Variants in RABGGTB observed in about 807,000 individuals in gnomAD.
RABGGTB encodes Rab geranylgeranyltransferase subunit beta.
RABGGTB carries 20 observed loss-of-function variants against 44.5 expected under a neutral mutation model. The observed-to-expected ratio is 0.45, with a 90% CI of 0.32 to 0.65. The LOEUF (loss-of-function observed/expected upper bound fraction) is 0.65. Among genes scored for constraint, RABGGTB ranks in the 30% least tolerant of loss-of-function variants. The pLI is 0.05. For missense variants in RABGGTB, 302 were observed against 398.7 expected (o/e 0.76, Z 2.06); for synonymous variants, 128 against 136.7 (o/e 0.94, Z 0.44).
At chr1:75,787,192 T>A (rs368886953) in intron 1 of RABGGTB, 30 of 605,384 alleles carry the variant, frequency 5.0e-5, no homozygotes, top group African/African-American at 4.9e-4. Flanking sequence ...CTGAATGATT[T>A]AAGTTCTTTT....
At position 75,787,720 on chromosome 1, in the gene RABGGTB, A is replaced by T. The variant is rs535778257; in HGVS notation, c.111+116A>T. 5 of 816,506 alleles carry T rather than the reference A, an allele frequency of 6.1e-6. No homozygotes were observed. In the South Asian group the frequency reaches 6.1e-5, roughly 10 times the overall value. The allele number at this position is 816,506 out of a possible 1,614,324, so 50.6% of individuals were successfully genotyped here. On this transcript the variant is annotated intron_variant, in intron 2 of 8. Transcript: ENST00000319942. Reference sequence around the variant, plus strand: ...TCCAACTCCATGCAGAGAACTGAGGATGTGCTGTGCCTTTGAACTTCAGTT... The same window carrying T: ...TCCAACTCCATGCAGAGAACTGAGGTTGTGCTGTGCCTTTGAACTTCAGTT...
rs369023722 is a variant in RABGGTB at position 75,789,206 on chromosome 1, T to G, written c.159T>G (p.Gly53=). 4 of 1,613,928 alleles carry G rather than the reference T, an allele frequency of 2.5e-6. No individual in the cohort carries two copies. Among genetic ancestry groups the G allele is most frequent in the Non-Finnish European group, 3.4e-6 (4 of 1,179,968 alleles). ...TGAGAATGAGTGGCATCTATTGGGG[T>G]CTGACAGTAATGGATCTCATGGGAC... ...EYLRMSGIYW[G]LTVMDLMGQL... is the part of the protein sequence containing the mutation. Residue 53 remains glycine, a synonymous_variant, in exon 3 of 9, where the codon GGT becomes GGG. Coordinates refer to ENST00000319942, the MANE Select transcript of RABGGTB (RefSeq NM_004582.4).
chr1:75,789,679 G>A, intron 3 of RABGGTB: 1 of 577,792 alleles, frequency 1.7e-6, no homozygotes, highest in Non-Finnish European at 3.1e-6. Flanking sequence ...GTGCTGAGAT[G>A]GGAAGATCAG....
chr1:75,794,718 T>G lies in RABGGTB; in HGVS notation c.*68T>G. On this transcript the variant is annotated 3_prime_UTR_variant, in exon 9 of 9. Transcript: ENST00000319942. ...AACATTTCTGTATTTGAAGTGCTTA[T>G]CGAATCTAAAAGTGACTACTGTTAA... 7.4e-7 allele frequency: 1 copy of G among 1,357,980 alleles called. No individual in the cohort carries two copies. The highest frequency in any genetic ancestry group is 1.9e-5 in the South Asian group (1 of 53,886). The allele number at this position is 1,357,980 out of a possible 1,614,324, so 84.1% of individuals were successfully genotyped here.
intron 8 of RABGGTB, 102 bp downstream of exon 8, chr1:75,794,335 A>G: frequency 7.0e-7 from 1 of 1,420,498 alleles, no homozygotes; most frequent in Non-Finnish European, 9.5e-7. Context: ...TTGCTTTGAA[A>G]GCAGTTTTTT....
At chr1:75,790,686 G>A (rs1287776177) in intron 4 of RABGGTB, among the ~76,000 whole-genome samples, 1 of 152,076 alleles carries the variant, frequency 6.6e-6, no homozygotes, top group Admixed American at 6.6e-5. Context: ...CAGTATTTTG[G>A]GAGACAGTTG....
At chr1:75,788,465 A>C (rs920108394) in intron 2 of RABGGTB, 1 of 153,986 alleles carries the variant, frequency 6.5e-6, no homozygotes, top group African/African-American at 2.4e-5. Flanking sequence ...TAGTTTTTGT[A>C]TTTTTCGTAG....
intron 3 of RABGGTB, chr1:75,789,677 A>T (rs1649598832): frequency 1.7e-6 from 1 of 581,194 alleles, no homozygotes; most frequent in Non-Finnish European, 3.1e-6. Context: ...GGGTGCTGAG[A>T]TGGGAAGATC....
In RABGGTB at chr1:75,790,625, T is replaced by A. The variant is rs1296004225; in HGVS notation, c.415+568T>A. 7.0e-6 allele frequency: 3 copies of A among 427,628 alleles called. No individual in the cohort carries two copies. The East Asian group carries it at 4.8e-4, about 68-fold the overall frequency. 26.5% of individuals were successfully genotyped at this position (427,628 alleles called of 1,614,324 possible). A position where few individuals can be genotyped will look rare whatever the true frequency, so the allele number is the denominator to read the frequency against. On this transcript the variant is annotated intron_variant, in intron 4 of 8. Transcript: ENST00000319942. ...GCTTTCTTTAAGCAGCTTAAGATAA[T>A]TTGCTGTTACTTTTTTGTGGCAGGG...
Position 75,788,937 on chromosome 1 carries a change from T to C in RABGGTB, c.112-222T>C, listed in dbSNP as rs952781049. The C allele has an allele frequency of 2.3e-5, 13 of 558,600 alleles. No individual in the cohort carries two copies. The African/African-American group carries it at 2.4e-4, about 10-fold the overall frequency. The allele number at this position is 558,600 out of a possible 1,614,324, so 34.6% of individuals were successfully genotyped here. On this transcript the variant is annotated intron_variant, in intron 2 of 8. Transcript: ENST00000319942. Reference sequence around the variant, plus strand: ...GTATTGTCAGCCATAGATTAACTAATCCTGTGCTTCTCAGATAATTGTTTT... The same window carrying C: ...GTATTGTCAGCCATAGATTAACTAACCCTGTGCTTCTCAGATAATTGTTTT...
In RABGGTB at chr1:75,794,599, G is replaced by T. The variant is rs771064469; in HGVS notation, c.945G>T (p.Met315Ile). ...AACCTGTTAATCCTGTCTTTTGCAT[G>T]CCTGAAGAAGTGCTTCAGAGAGTGA... ...QIKPVNPVFC[M>I]PEEVLQRVNV... The change falls in exon 9 of 9, where the codon ATG (methionine) becomes ATT (isoleucine). Residue 315 changes from methionine to isoleucine, a missense_variant. Physicochemically the swap from Met to Ile is conservative, Grantham distance 10. Transcript: ENST00000319942. The T allele has an allele frequency of 1.2e-6, 2 of 1,612,996 alleles. No homozygotes were observed.
chr1:75,789,197 C>T lies in RABGGTB; in HGVS notation c.150C>T (p.Ile50=). The T allele has an allele frequency of 1.2e-6, 2 of 1,613,936 alleles. No individual in the cohort carries two copies. Among genetic ancestry groups the T allele is most frequent in the East Asian group, 4.5e-5 (2 of 44,850 alleles). Residue 50 remains isoleucine (I), a synonymous_variant, in exon 3 of 9, where the codon ATC becomes ATT. Transcript: ENST00000319942. ...CMSEYLRMSG[I]YWGLTVMDLM... ...CTGAGTATTTGAGAATGAGTGGCAT[C>T]TATTGGGGTCTGACAGTAATGGATC...
intron 2 of RABGGTB, 41 bp downstream of exon 2, chr1:75,787,645 A>G (rs1649532139): frequency 1.4e-6 from 2 of 1,480,846 alleles, no homozygotes; most frequent in Non-Finnish European, 1.9e-6. Context: ...TATTTTAAAG[A>G]AGTGTGACAG....
At position 75,791,589 on chromosome 1, in the gene RABGGTB, A is replaced by G. The variant is rs370373237; in HGVS notation, c.579+18A>G. On this transcript the variant is annotated intron_variant, in intron 6 of 8. Transcript: ENST00000319942. Reference sequence around the variant, plus strand: ...CTGGGCAGGTAATTTATGAATACAGATGAAAATGTATTGTCATTTTGGAAG... The same window carrying G: ...CTGGGCAGGTAATTTATGAATACAGGTGAAAATGTATTGTCATTTTGGAAG... 105 of 1,558,110 alleles carry G rather than the reference A, an allele frequency of 6.7e-5. No individual in the cohort carries two copies. In the African/African-American group the frequency reaches 1.3e-3, roughly 19 times the overall value.
intron 8 of RABGGTB, 30 bp downstream of exon 8, chr1:75,794,263 AATT>A (rs754657495): frequency 2.7e-5 from 42 of 1,574,888 alleles, no homozygotes; most frequent in Non-Finnish European, 3.5e-5. Context: ...TATTTCTATA[AATT>A]ATTTCAGCGT....
intron 4 of RABGGTB, among the ~76,000 whole-genome samples, chr1:75,791,029 A>AT: frequency 6.6e-6 from 1 of 152,090 alleles, no homozygotes; most frequent in East Asian, 1.9e-4. Context: ...GGCTCAAGTG[A>AT]TTCTCCCACC....
rs1251914763 is a variant in RABGGTB, at chr1:75,791,528, G to A, written c.536G>A (p.Gly179Asp). The change falls in exon 6 of 9, where the codon GGT becomes GAT. Residue 179 changes from glycine to aspartate, a missense_variant. Coordinates refer to ENST00000319942, the MANE Select transcript of RABGGTB (RefSeq NM_004582.4). ...EFVLSCMNFD[G>D]GFGCRPGSES... ...GTTTTATCCTGTATGAACTTTGACG[G>A]TGGATTTGGTTGCAGACCAGGTTCT... is the stretch of plus-strand genomic sequence containing the variant. 6.2e-7 allele frequency: 1 copy of A among 1,613,086 alleles called. No individual in the cohort carries two copies. The highest frequency in any genetic ancestry group is 8.5e-7 in the Non-Finnish European group (1 of 1,179,962).
intron 7 of RABGGTB, chr1:75,793,595 C>A (rs931963414): frequency 6.6e-6 from 1 of 152,592 alleles, no homozygotes; most frequent in African/African-American, 2.4e-5. Flanking sequence ...ACTCAGGGAT[C>A]TCATTAAAAT....
At chr1:75,791,207 G>A in intron 4 of RABGGTB, 78 bp from the exon 5 acceptor site, 1 of 1,197,226 alleles carries the variant, frequency 8.4e-7, no homozygotes. Context: ...TAAAGTGGTA[G>A]TTGTGCAGTG....
Sources: gnomAD v4.1 joint callset for allele counts (sites outside exome capture counted in the v4.1 genomes callset) on GRCh38, gnomAD v4.1.1 for gene constraint, MANE v1.5 for transcripts, NCBI Gene and HGNC (gene_info 2026-07-23, HGNC 2026-07-21) for gene names.